The following RBFOX1 variants were observed in gnomAD, a reference collection of about 807,000 sequenced individuals.
The protein encoded by RBFOX1 is RNA binding protein fox-1 homolog 1.
Under a neutral mutation model 57.7 loss-of-function variants are expected in RBFOX1, and 8 were observed. That is an observed-to-expected ratio of 0.14 (90% confidence interval 0.08 to 0.25). RBFOX1 has a LOEUF of 0.25. Ranked by LOEUF, RBFOX1 falls within the 10% of genes least tolerant of loss-of-function variation. The pLI is 1.00. For missense variants in RBFOX1, 611 were observed against 548.5 expected (o/e 1.11, Z -1.14); for synonymous variants, 326 against 222.4 (o/e 1.47, Z -4.15).
intron 2 of RBFOX1, among the ~76,000 whole-genome samples, chr16:5,467,735 G>A (rs981834978): frequency 3.9e-5 from 6 of 152,130 alleles, no homozygotes; most frequent in African/African-American, 1.2e-4. Flanking sequence ...CGTTATTATT[G>A]TTGCTTGATA....
intron 5 of RBFOX1, among the ~76,000 whole-genome samples, chr16:7,535,983 C>T (rs954804098): frequency 2.6e-5 from 4 of 152,204 alleles, no homozygotes; most frequent in African/African-American, 7.2e-5. Context: ...ATAAGACAGA[C>T]ATAGCTTCTC....
intron 3 of RBFOX1, among the ~76,000 whole-genome samples, chr16:7,047,996 A>G (rs947786535): frequency 1.3e-5 from 2 of 151,644 alleles, no homozygotes; most frequent in African/African-American, 2.4e-5. Context: ...CTCCTGTCTC[A>G]GCCGTCTGAG....
intron 1 of RBFOX1, among the ~76,000 whole-genome samples, chr16:6,224,585 A>C (rs1161641347): frequency 6.6e-6 from 1 of 152,158 alleles, no homozygotes; most frequent in Non-Finnish European, 1.5e-5. Context: ...ACCCTAAAAA[A>C]AGTGAACTGA....
At chr16:7,687,402 T>A (rs2076295259) in intron 14 of RBFOX1, among the ~76,000 whole-genome samples, 1 of 152,046 alleles carries the variant, frequency 6.6e-6, no homozygotes, top group Non-Finnish European at 1.5e-5. Context: ...TCCAGTGATT[T>A]AAAGGATATG....
chr16:6,619,377 AG>A (rs2098192334), intron 2 of RBFOX1, among the ~76,000 whole-genome samples: 1 of 152,200 alleles, frequency 6.6e-6, no homozygotes, highest in Non-Finnish European at 1.5e-5. Context: ...ATCTATGCCA[AG>A]CCCCACATAA....
At chr16:5,508,801 T>C (rs1358923912) in intron 2 of RBFOX1, among the ~76,000 whole-genome samples, 3 of 152,190 alleles carry the variant, frequency 2.0e-5, no homozygotes, top group South Asian at 2.1e-4. Context: ...TGCAGTCAGG[T>C]TGGCAGAAGT....
chr16:5,453,639 A>G (rs536782512), intron 1 of RBFOX1, among the ~76,000 whole-genome samples: 17 of 152,318 alleles, frequency 1.1e-4, no homozygotes, highest in African/African-American at 4.1e-4. Context: ...AATCCCTGCA[A>G]GTAGCATCCC....
At chr16:5,443,624 G>C (rs1007195881) in intron 1 of RBFOX1, among the ~76,000 whole-genome samples, 1 of 152,178 alleles carries the variant, frequency 6.6e-6, no homozygotes, top group Non-Finnish European at 1.5e-5. Flanking sequence ...ACAGGCTTGA[G>C]CCACCACACC....
chr16:6,038,959 A>C (rs2095405656), intron 1 of RBFOX1: 1 of 145,838 alleles, frequency 6.9e-6, no homozygotes, highest in Non-Finnish European at 1.5e-5. Flanking sequence ...TAGCACTGAC[A>C]TATTACATAC....
At chr16:5,988,219 G>T (rs914238216) in intron 4 of RBFOX1, among the ~76,000 whole-genome samples, 30 of 152,080 alleles carry the variant, frequency 2.0e-4, no homozygotes, top group Non-Finnish European at 3.1e-4. Context: ...TTTAACTCAG[G>T]GAAGTCTTTT....
intron 2 of RBFOX1, among the ~76,000 whole-genome samples, chr16:6,423,002 T>C (rs923262745): frequency 5.3e-5 from 8 of 152,264 alleles, no homozygotes; most frequent in South Asian, 2.1e-4. Flanking sequence ...TTCTTTTTTA[T>C]GGCTGCATAG....
chr16:5,447,817 G>T (rs2068296513), intron 1 of RBFOX1, among the ~76,000 whole-genome samples: 1 of 152,210 alleles, frequency 6.6e-6, no homozygotes, highest in African/African-American at 2.4e-5. Context: ...AGCCTCTTCT[G>T]TGCTTGGCAT....
chr16:7,701,959 C>T (rs1476785885), intron 14 of RBFOX1, among the ~76,000 whole-genome samples: 1 of 152,154 alleles, frequency 6.6e-6, no homozygotes, highest in African/African-American at 2.4e-5. Context: ...GTTCTGGAAA[C>T]CCTCTCAAAT....
intron 4 of RBFOX1, among the ~76,000 whole-genome samples, chr16:5,881,378 G>A (rs2057758131): frequency 6.6e-6 from 1 of 152,104 alleles, no homozygotes; most frequent in Admixed American, 6.5e-5. Flanking sequence ...CAGCACATGT[G>A]GCATTTAAGA....
chr16:6,106,817 A>G (rs36026667), intron 1 of RBFOX1, among the ~76,000 whole-genome samples: 105,551 of 151,864 alleles, frequency 0.7, 38,004 homozygotes, highest in African/African-American at 0.9. Flanking sequence ...ACAGATGCCC[A>G]TCACCATGCC....
chr16:5,492,733 A>G (rs537512151), intron 2 of RBFOX1, among the ~76,000 whole-genome samples: 8 of 152,316 alleles, frequency 5.3e-5, no homozygotes, highest in East Asian at 1.9e-4. Context: ...CAGTGCCCCC[A>G]GAATAGTTCA....
intron 3 of RBFOX1, among the ~76,000 whole-genome samples, chr16:6,759,141 T>C (rs2076228717): frequency 8.3e-6 from 1 of 120,230 alleles, no homozygotes; most frequent in Non-Finnish European, 1.7e-5. Flanking sequence ...TCATATTACT[T>C]ATCAATTCTT....
At chr16:7,009,281 T>TTC (rs920970839) in intron 3 of RBFOX1, among the ~76,000 whole-genome samples, 1 of 133,474 alleles carries the variant, frequency 7.5e-6, no homozygotes, top group East Asian at 2.0e-4. Context: ...CTTCTCTCTT[T>TTC]TCTCTCTCAC....
intron 3 of RBFOX1, among the ~76,000 whole-genome samples, chr16:5,730,559 G>A (rs1008021981): frequency 1.3e-5 from 2 of 152,052 alleles, no homozygotes; most frequent in Admixed American, 1.3e-4. Flanking sequence ...CATCACCACT[G>A]CCATCATCAT....
Sources: gnomAD v4.1 joint callset for allele counts (sites outside exome capture counted in the v4.1 genomes callset) on GRCh38, gnomAD v4.1.1 for gene constraint, MANE v1.5 for transcripts, NCBI Gene and HGNC (gene_info 2026-07-23, HGNC 2026-07-21) for gene names.